Variants in EPHB1 observed in about 807,000 individuals in gnomAD.
EPHB1 encodes EPH receptor B1, also known as ephrin type-B receptor 1.
Under a neutral mutation model 94.4 loss-of-function variants are expected in EPHB1, and 30 were observed. That is an observed-to-expected ratio of 0.32 (90% CI 0.24 to 0.43). EPHB1 has a LOEUF of 0.43. Ranked by LOEUF, EPHB1 falls within the 20% of genes least tolerant of loss-of-function variation. The pLI, the probability that EPHB1 is intolerant of heterozygous loss-of-function variation, is 1.00. For synonymous variants in EPHB1, 522 were observed against 489.1 expected (o/e 1.07, Z -0.89); for missense variants, 1,055 against 1,308.3 (o/e 0.81, Z 2.99).
intron 1 of EPHB1, among the ~76,000 whole-genome samples, chr3:134,861,482 G>C (rs190452063): frequency 6.6e-6 from 1 of 152,246 alleles, no homozygotes; most frequent in East Asian, 1.9e-4. Context: ...TCAGCAACCA[G>C]ACATAGAGAA....
At chr3:135,248,267 G>A in intron 13 of EPHB1, 49 bp from the exon 14 acceptor site, 1 of 1,477,540 alleles carries the variant, frequency 6.8e-7, no homozygotes, top group Non-Finnish European at 9.1e-7. Flanking sequence ...GTGAGTGACT[G>A]GCTGGTGGCA....
chr3:135,100,080 TAGATC>T (rs1213963366), intron 3 of EPHB1, among the ~76,000 whole-genome samples: 1 of 151,940 alleles, frequency 6.6e-6, no homozygotes, highest in Non-Finnish European at 1.5e-5. Context: ...GGGAAAAAAA[TAGATC>T]AGAAGAAGTA....
chr3:135,006,280 G>A (rs1935407027), intron 3 of EPHB1, among the ~76,000 whole-genome samples: 1 of 152,184 alleles, frequency 6.6e-6, no homozygotes, highest in Non-Finnish European at 1.5e-5. Context: ...GGAAGAAGAG[G>A]CAAATTCATA....
chr3:134,903,085 T>C (rs916353618), intron 1 of EPHB1, among the ~76,000 whole-genome samples: 9 of 152,350 alleles, frequency 5.9e-5, no homozygotes, highest in Admixed American at 5.9e-4. Context: ...TTGAGGGTAC[T>C]AGGTCCCATT....
intron 1 of EPHB1, among the ~76,000 whole-genome samples, chr3:134,887,864 C>A (rs1477114961): frequency 6.6e-6 from 1 of 152,276 alleles, no homozygotes; most frequent in East Asian, 1.9e-4. Context: ...TACTATTTCC[C>A]ACTTGGAGGA....
chr3:134,919,249 G>T (rs910170735), intron 1 of EPHB1, among the ~76,000 whole-genome samples: 7 of 152,210 alleles, frequency 4.6e-5, no homozygotes, highest in Admixed American at 4.6e-4. Flanking sequence ...GGAAGGGTTT[G>T]GTGTGAAGAA....
At chr3:134,978,282 C>T (rs904714143) in intron 3 of EPHB1, among the ~76,000 whole-genome samples, 2 of 152,182 alleles carry the variant, frequency 1.3e-5, no homozygotes, top group South Asian at 2.1e-4. Context: ...TGCCCTGGCC[C>T]CTCAGTGCAT....
chr3:134,803,984 T>C (rs2035982291), intron 1 of EPHB1, among the ~76,000 whole-genome samples: 1 of 151,502 alleles, frequency 6.6e-6, no homozygotes. Context: ...GGAAAACTTT[T>C]TCCTTCTCGG....
At chr3:134,890,900 T>C (rs1478964380) in intron 1 of EPHB1, among the ~76,000 whole-genome samples, 1 of 152,214 alleles carries the variant, frequency 6.6e-6, no homozygotes, top group African/African-American at 2.4e-5. Context: ...TTTCTATATA[T>C]GACTTTAATA....
chr3:135,058,854 T>A (rs1397395863), intron 3 of EPHB1, among the ~76,000 whole-genome samples: 3 of 152,212 alleles, frequency 2.0e-5, no homozygotes, highest in Non-Finnish European at 1.5e-5. Context: ...CAACATTTTC[T>A]TATTACGGTG....
intron 1 of EPHB1, among the ~76,000 whole-genome samples, chr3:134,808,072 G>A (rs1413292217): frequency 6.6e-6 from 1 of 152,024 alleles, no homozygotes; most frequent in Non-Finnish European, 1.5e-5. Context: ...ATAGAAAATG[G>A]CAAAAAAAGT....
At position 134,925,957 on chromosome 3, in the gene EPHB1, A is replaced by G. The variant is rs183403646; in HGVS notation, c.123+77A>G. Reference sequence around the variant, plus strand: ...TATGATATCTAGGGGAGTAGAGACTACCCAGAGCAGTACCTGTGGGGAATG... The same window carrying G: ...TATGATATCTAGGGGAGTAGAGACTGCCCAGAGCAGTACCTGTGGGGAATG... On this transcript the variant is annotated intron_variant, in intron 2 of 15. Transcript: ENST00000398015. 4 of 1,302,314 alleles carry G rather than the reference A, an allele frequency of 3.1e-6. No homozygotes were observed. In the East Asian group the frequency reaches 1.0e-4, roughly 33 times the overall value. The allele number at this position is 1,302,314 out of a possible 1,614,324, so 80.7% of individuals were successfully genotyped here.
At chr3:135,219,176 C>T (rs2107719369) in intron 12 of EPHB1, among the ~76,000 whole-genome samples, 1 of 151,862 alleles carries the variant, frequency 6.6e-6, no homozygotes, top group East Asian at 1.9e-4. Flanking sequence ...GAACAGGAGG[C>T]CTACTTGGCT....
At chr3:134,956,167 C>T (rs1273075200) in intron 3 of EPHB1, among the ~76,000 whole-genome samples, 8 of 152,084 alleles carry the variant, frequency 5.3e-5, no homozygotes, top group Admixed American at 5.2e-4. Context: ...TCGAGGGCTG[C>T]AGTATCCCAT....
intron 3 of EPHB1, among the ~76,000 whole-genome samples, chr3:135,025,661 C>G (rs1455637521): frequency 4.3e-5 from 2 of 46,828 alleles, no homozygotes; most frequent in African/African-American, 1.1e-4. Context: ...TGAATAATGC[C>G]GCAATAAACA....
rs140028963 is a variant in EPHB1 at position 135,204,316 on chromosome 3, G to A, written c.2346+2627G>A. 1.1e-4 allele frequency among the ~76,000 whole-genome samples: 16 copies of A among 152,220 alleles called. No homozygotes were observed. The East Asian group carries it at 2.9e-3, about 28-fold the overall frequency. On this transcript the variant is annotated intron_variant, in intron 12 of 15. Coordinates refer to ENST00000398015, the MANE Select transcript of EPHB1 (RefSeq NM_004441.5). Reference sequence around the variant, plus strand: ...CCTCCAGAGTTTAAGCGATTCTCCTGTCTCAGCCTCCCAAGTAGCTGGGAT... The same window carrying A: ...CCTCCAGAGTTTAAGCGATTCTCCTATCTCAGCCTCCCAAGTAGCTGGGAT...
At chr3:134,943,543 G>T (rs1393443108) in intron 2 of EPHB1, among the ~76,000 whole-genome samples, 4 of 152,090 alleles carry the variant, frequency 2.6e-5, no homozygotes, top group African/African-American at 9.7e-5. Context: ...GAGCATTTTT[G>T]GCCTTTTGAA....
chr3:135,139,892 G>A (rs745581528), intron 5 of EPHB1, among the ~76,000 whole-genome samples: 1 of 152,208 alleles, frequency 6.6e-6, no homozygotes, highest in Admixed American at 6.5e-5. Context: ...GATATCACAC[G>A]CTGGGACACA....
At chr3:134,991,403 G>T (rs1934792890) in intron 3 of EPHB1, among the ~76,000 whole-genome samples, 1 of 152,158 alleles carries the variant, frequency 6.6e-6, no homozygotes, top group South Asian at 2.1e-4. Flanking sequence ...GGTCTTCCTT[G>T]GTTTGAGGTA....
Sources: gnomAD v4.1 joint callset for allele counts (sites outside exome capture counted in the v4.1 genomes callset) on GRCh38, gnomAD v4.1.1 for gene constraint, MANE v1.5 for transcripts, NCBI Gene and HGNC (gene_info 2026-07-23, HGNC 2026-07-21) for gene names.